The following USP34 variants were observed in gnomAD, a reference collection of about 807,000 sequenced individuals.
USP34 encodes the protein ubiquitin specific peptidase 34, also known as ubiquitin carboxyl-terminal hydrolase 34.
A neutral mutation model predicts 460.3 loss-of-function variants in USP34; 70 were observed. The observed-to-expected ratio is 0.15, with a 90% confidence interval of 0.13 to 0.19. The LOEUF (loss-of-function observed/expected upper bound fraction) is 0.19. Ranked by LOEUF, USP34 falls within the 10% of genes least tolerant of loss-of-function variation. USP34 has a pLI of 1.00. For missense variants in USP34, 3,985 were observed against 4,236.2 expected (o/e 0.94, Z 1.65); for synonymous variants, 1,647 against 1,405.3 (o/e 1.17, Z -3.85).
chr2:61,384,164 T>A (rs1430576042), intron 5 of USP34, among the ~76,000 whole-genome samples: 1 of 152,246 alleles, frequency 6.6e-6, no homozygotes, highest in Non-Finnish European at 1.5e-5. Context: ...CTAAGTTTAC[T>A]ATAAGTAACT....
intron 1 of USP34, among the ~76,000 whole-genome samples, chr2:61,447,419 AATTAAC>A (rs1021180754): frequency 6.6e-5 from 10 of 152,148 alleles, no homozygotes; most frequent in African/African-American, 2.2e-4. Context: ...TATCACTGGC[AATTAAC>A]ATTATCAGTC....
At chr2:61,425,506 A>C (rs1573029060) in intron 1 of USP34, among the ~76,000 whole-genome samples, 1 of 152,112 alleles carries the variant, frequency 6.6e-6, no homozygotes, top group Non-Finnish European at 1.5e-5. Context: ...TGAGAGCAGA[A>C]AAGAAAACCA....
chr2:61,455,529 A>C (rs1695412780), intron 1 of USP34, among the ~76,000 whole-genome samples: 1 of 152,128 alleles, frequency 6.6e-6, no homozygotes, highest in African/African-American at 2.4e-5. Flanking sequence ...ATCCCAGGTA[A>C]CATGAATCTG....
At chr2:61,245,968 C>A (rs1688407113) in intron 50 of USP34, among the ~76,000 whole-genome samples, 1 of 152,078 alleles carries the variant, frequency 6.6e-6, no homozygotes, top group Non-Finnish European at 1.5e-5. Context: ...GTGAAACAAG[C>A]AGAGCATGCA....
intron 7 of USP34, 26 bp downstream of exon 7, chr2:61,380,143 C>A: frequency 1.3e-6 from 2 of 1,594,946 alleles, no homozygotes; most frequent in Non-Finnish European, 1.7e-6. Flanking sequence ...TAAACGATGA[C>A]CAAAAATAAA....
In USP34 at chr2:61,308,629, G is replaced by GGT. The variant is rs1572920770; in HGVS notation, c.3817+2910_3817+2911insAC. On this transcript the variant is annotated intron_variant, in intron 27 of 79. Coordinates refer to ENST00000398571, the MANE Select transcript of USP34 (RefSeq NM_014709.4). ...ATGTGCCAAACTGAAAGGGTCCAGT[G>GGT]CTAAATACCTAAACATGTAAATACT... Among the ~76,000 whole-genome samples the GGT allele has an allele frequency of 2.6e-5, 4 of 152,220 alleles. No homozygotes were observed. In the East Asian group the frequency reaches 7.7e-4, roughly 29 times the overall value.
rs1309191466 is a variant in USP34, at chr2:61,211,866, C to T, written c.8746G>A (p.Glu2916Lys). 1.2e-5 allele frequency: 20 copies of T among 1,609,728 alleles called. No homozygotes were observed. Among genetic ancestry groups the T allele is most frequent in the Non-Finnish European group, 1.2e-5 (14 of 1,178,740 alleles). ...AACTGTTTAATATCTTCTAATTCTT[C>T]TTCTCTCATATCTGGCCTCTGAGCT... ...FIAQRPDMRE[E>K]ELEDIKQFKK... is the part of the protein sequence containing the mutation. Residue 2916 changes from glutamate (E) to lysine (K), a missense_variant, in exon 69 of 80, where the codon GAA becomes AAA. Around this residue, in one of 14 missense-constraint regions of USP34, gnomAD observed 275 missense variants for 292.7 expected, o/e 0.94. Transcript: ENST00000398571.
chr2:61,257,665 G>A (rs1050125704), intron 44 of USP34, among the ~76,000 whole-genome samples: 3 of 151,596 alleles, frequency 2.0e-5, no homozygotes, highest in Non-Finnish European at 4.4e-5. Context: ...TTGGGAGGCC[G>A]AAGCAGGCGG....
In USP34 at chr2:61,246,469, CTTT is replaced by C. The variant is rs751574999; in HGVS notation, c.6400_6402del (p.Lys2134del). On this transcript the variant is annotated inframe_deletion, in exon 50 of 80. Coordinates refer to ENST00000398571, the MANE Select transcript of USP34 (RefSeq NM_014709.4). ...GAGTCTTTTGAATGATCACTGACTT[CTTT>C]AAAACCTGAAATGATTTACACAGAA... 11 of 1,552,520 alleles carry C rather than the reference CTTT, an allele frequency of 7.1e-6. No homozygotes were observed. In the South Asian group the frequency reaches 1.3e-4, roughly 18 times the overall value.
At chr2:61,311,472 G>GAGAAAGAAAAAGAAAAAAAAA in intron 27 of USP34, 68 bp downstream of exon 27, 2 of 1,429,742 alleles carry the variant, frequency 1.4e-6, no homozygotes, top group African/African-American at 1.5e-5. Context: ...AAGGAGAAAA[G>GAGAAAGAAAAAGAAAAAAAAA]AGAAAGAGAA....
Position 61,248,602 on chromosome 2 carries a change from C to T in USP34, c.6303G>A (p.Glu2101=). The part of the protein sequence containing the change: ...YTFNMVTMMK[E]KVNTHFSFPL... ...GGAAGGAAAAGTGTGTATTCACTTT[C>T]TCTTTCATCATCGTGACCATATTAA... The change falls in exon 49 of 80, where the codon GAG becomes GAA. Residue 2101 remains glutamate, a synonymous_variant. Transcript: ENST00000398571. 1.2e-6 allele frequency: 2 copies of T among 1,609,168 alleles called. No individual in the cohort carries two copies. Among genetic ancestry groups the T allele is most frequent in the Non-Finnish European group, 1.7e-6 (2 of 1,176,692 alleles).
chr2:61,417,047 C>T (rs572016470), intron 2 of USP34: 44 of 1,320,642 alleles, frequency 3.3e-5, no homozygotes, highest in Middle Eastern at 2.4e-4. Context: ...TTCTGGCAGC[C>T]GGGGAACTTG....
chr2:61,343,686 C>A, intron 16 of USP34, 129 bp downstream of exon 16: 4 of 921,264 alleles, frequency 4.3e-6, no homozygotes, highest in South Asian at 3.7e-5. Context: ...AAAAAACTAC[C>A]ATATGTAAGT....
intron 75 of USP34, chr2:61,200,617 A>G (rs962876852): frequency 2.6e-5 from 4 of 152,338 alleles, no homozygotes; most frequent in Admixed American, 6.5e-5. Flanking sequence ...GTTCTCACCA[A>G]TGGTCACAAT....
At chr2:61,341,622 T>C (rs528987637) in intron 16 of USP34, among the ~76,000 whole-genome samples, 2 of 152,000 alleles carry the variant, frequency 1.3e-5, no homozygotes, top group African/African-American at 4.8e-5. Context: ...CCCCTTCACA[T>C]TCTACCATGA....
At chr2:61,296,266 A>G (rs551553201) in intron 30 of USP34, among the ~76,000 whole-genome samples, 29 of 36,270 alleles carry the variant, frequency 8.0e-4, no homozygotes, top group Non-Finnish European at 1.4e-3. Context: ...TCTCAAAAAT[A>G]AATAAATAAA....
At chr2:61,290,216 G>C (rs1189666812) in intron 33 of USP34, among the ~76,000 whole-genome samples, 2 of 152,072 alleles carry the variant, frequency 1.3e-5, no homozygotes, top group Non-Finnish European at 1.5e-5. Flanking sequence ...CTTCTGGCAA[G>C]GATGTGGAGT....
At chr2:61,243,409 C>T (rs7601945) in intron 51 of USP34, among the ~76,000 whole-genome samples, 136,247 of 151,750 alleles carry the variant, frequency 0.9, 61,412 homozygotes, top group African/African-American at 0.97. Flanking sequence ...GGCCTCCCAA[C>T]GTGCTGGGAT....
At position 61,190,200 on chromosome 2, in the gene USP34, C is replaced by T. The variant is rs919150660; in HGVS notation, c.9873+71G>A. Reference sequence around the variant, plus strand: ...TAAGTTAAAGTTACGAGAGTAAAATCATATGAAGGCCACACAGTTAACTGA... The same window carrying T: ...TAAGTTAAAGTTACGAGAGTAAAATTATATGAAGGCCACACAGTTAACTGA... On this transcript the variant is annotated intron_variant, in intron 78 of 79. Coordinates refer to ENST00000398571, the MANE Select transcript of USP34 (RefSeq NM_014709.4). 164 of 1,509,548 alleles carry T rather than the reference C, an allele frequency of 1.1e-4. No individual in the cohort carries two copies. In the Admixed American group the frequency reaches 3.9e-3, roughly 36 times the overall value. The allele number at this position is 1,509,548 out of a possible 1,614,324, so 93.5% of individuals were successfully genotyped here.
Sources: gnomAD v4.1 joint callset for allele counts (sites outside exome capture counted in the v4.1 genomes callset) on GRCh38, gnomAD v4.1.1 for gene constraint, gnomAD v4.1.1 regional missense constraint, MANE v1.5 for transcripts, NCBI Gene and HGNC (gene_info 2026-07-23, HGNC 2026-07-21) for gene names.